Variants in NEMF observed in about 807,000 individuals in gnomAD.
NEMF encodes ribosome quality control complex subunit NEMF.
Under a neutral mutation model 162.2 loss-of-function variants are expected in NEMF, and 89 were observed. The ratio of observed to expected loss-of-function variants is 0.55; its 90% CI spans 0.46 to 0.65. The LOEUF (loss-of-function observed/expected upper bound fraction) is 0.65, where lower values mean the gene tolerates loss of function less well. Ranked by LOEUF, NEMF falls within the 30% of genes least tolerant of loss-of-function variation. NEMF has a pLI of 0.00. For synonymous variants in NEMF, 421 were observed against 404.5 expected (o/e 1.04, Z -0.49); for missense variants, 1,133 against 1,261.9 (o/e 0.90, Z 1.55).
intron 26 of NEMF, among the ~76,000 whole-genome samples, chr14:49,793,468 T>C (rs1890547273): frequency 6.6e-6 from 1 of 152,164 alleles, no homozygotes; most frequent in Non-Finnish European, 1.5e-5. Context: ...TGCTCAGTTA[T>C]AGTTTTATAA....
chr14:49,813,206 T>G (rs565587070), intron 18 of NEMF, among the ~76,000 whole-genome samples: 1 of 152,314 alleles, frequency 6.6e-6, no homozygotes, highest in South Asian at 2.1e-4. Flanking sequence ...GAGTGCAGCA[T>G]GATGACTCAA....
Position 49,844,316 on chromosome 14 carries a change from C to T in NEMF, c.357+1824G>A, listed in dbSNP as rs1012444070. On this transcript the variant is annotated intron_variant, in intron 4 of 32. Transcript: ENST00000298310. ...TGCACAGTTCACAATAGGGTTCACG[C>T]TCCTATAAGAATCTAATGCCACCAC... Among the ~76,000 whole-genome samples the T allele has an allele frequency of 9.9e-5, 15 of 152,268 alleles. No homozygotes were observed. The East Asian group carries it at 1.3e-3, about 14-fold the overall frequency.
Position 49,795,914 on chromosome 14 carries a change from G to A in NEMF, c.2496C>T (p.Asp832=), listed in dbSNP as rs1223389473. 3 of 1,605,366 alleles carry A rather than the reference G, an allele frequency of 1.9e-6. No individual in the cohort carries two copies. Among genetic ancestry groups the A allele is most frequent in the Non-Finnish European group, 2.5e-6 (3 of 1,177,546 alleles). The part of the protein sequence containing the change: ...REMKKKKLPS[D]SGDLEALEGK... Reference sequence around the variant, plus strand: ...CCTCTAACGCTTCTAAATCTCCTGAGTCACTTGGAAGTTTTTTCTTTTTCA... The same window carrying A: ...CCTCTAACGCTTCTAAATCTCCTGAATCACTTGGAAGTTTTTTCTTTTTCA... Residue 832 remains aspartate (D), a synonymous_variant, in exon 26 of 33, where the codon GAC becomes GAT. Transcript: ENST00000298310.
intron 11 of NEMF, 26 bp from the exon 12 acceptor site, chr14:49,829,452 A>T: frequency 6.3e-7 from 1 of 1,585,744 alleles, no homozygotes; most frequent in East Asian, 2.2e-5. Context: ...CAGATTTTTT[A>T]AAAATTAGAT....
chr14:49,785,258 A>G lies in NEMF; in HGVS notation c.2991T>C (p.Ile997=). ...PHPEDVLLFA[I]PICAPYTTMT... ...TGGTGGTGTAAGGGGCACATATTGG[A>G]ATGGCAAACAGTAGTACATCTTCAG... Residue 997 remains isoleucine, a synonymous_variant, in exon 30 of 33, where the codon ATT becomes ATC. Transcript: ENST00000298310. 1 of 1,614,032 alleles carries G rather than the reference A, an allele frequency of 6.2e-7. No homozygotes were observed. The highest frequency in any genetic ancestry group is 8.5e-7 in the Non-Finnish European group (1 of 1,179,928).
intron 25 of NEMF, among the ~76,000 whole-genome samples, chr14:49,797,050 G>A (rs1890723410): frequency 6.6e-6 from 1 of 152,088 alleles, no homozygotes; most frequent in Non-Finnish European, 1.5e-5. Flanking sequence ...ACATATTTAT[G>A]ACTACTTCCT....
intron 15 of NEMF, 24 bp from the exon 16 acceptor site, chr14:49,825,979 A>G (rs1414424589): frequency 6.7e-7 from 1 of 1,501,840 alleles, no homozygotes; most frequent in Non-Finnish European, 9.2e-7. Context: ...AGAGTTTTAA[A>G]AACAATTTGT....
chr14:49,793,843 T>C (rs1033707621), intron 26 of NEMF, among the ~76,000 whole-genome samples: 36 of 152,112 alleles, frequency 2.4e-4, no homozygotes, highest in African/African-American at 8.5e-4. Flanking sequence ...ACTGACAATG[T>C]AGTATCTATT....
At chr14:49,810,787 T>C (rs971357042) in intron 18 of NEMF, among the ~76,000 whole-genome samples, 3 of 152,158 alleles carry the variant, frequency 2.0e-5, no homozygotes, top group Non-Finnish European at 2.9e-5. Flanking sequence ...GCTCAGGAGC[T>C]CGACACTAGT....
intron 8 of NEMF, among the ~76,000 whole-genome samples, chr14:49,832,651 A>G (rs548982137): frequency 6.6e-6 from 1 of 152,288 alleles, no homozygotes; most frequent in Admixed American, 6.5e-5. Context: ...TCTGTGACTG[A>G]TATTAATTTG....
chr14:49,829,038 TAA>T lies in NEMF; in HGVS notation c.1232+14_1232+15del. ...TAAAGACAAGCATTAACTGCTTGAC[TAA>T]GAGTCAAACTTACCTTAGCAGCATT... On this transcript the variant is annotated intron_variant, in intron 13 of 32. Coordinates refer to ENST00000298310, the MANE Select transcript of NEMF (RefSeq NM_004713.6). 6.2e-7 allele frequency: 1 copy of T among 1,605,692 alleles called. No individual in the cohort carries two copies. Among genetic ancestry groups the T allele is most frequent in the South Asian group, 1.1e-5 (1 of 90,764 alleles).
At chr14:49,838,873 C>G (rs1036372921) in intron 5 of NEMF, among the ~76,000 whole-genome samples, 1 of 151,544 alleles carries the variant, frequency 6.6e-6, no homozygotes, top group Non-Finnish European at 1.5e-5. Flanking sequence ...CGTGAGACAC[C>G]GTGCCCAGCC....
chr14:49,851,499 A>T, intron 3 of NEMF, 64 bp downstream of exon 3: 1 of 1,103,628 alleles, frequency 9.1e-7, no homozygotes, highest in Non-Finnish European at 1.4e-6. Context: ...AGGAAACCCC[A>T]ATTAAAAACT....
chr14:49,785,434 C>T, intron 29 of NEMF, 114 bp from the exon 30 acceptor site: 1 of 712,970 alleles, frequency 1.4e-6, no homozygotes, highest in Non-Finnish European at 2.5e-6. Flanking sequence ...GATATACATA[C>T]CATCTAAGCT....
chr14:49,805,959 C>T, intron 19 of NEMF, 62 bp downstream of exon 19: 1 of 1,103,742 alleles, frequency 9.1e-7, no homozygotes. Context: ...CTTCTATACT[C>T]TCAAAATTTG....
At chr14:49,798,571 TAC>T (rs1354334670) in intron 25 of NEMF, among the ~76,000 whole-genome samples, 1 of 152,196 alleles carries the variant, frequency 6.6e-6, no homozygotes, top group Non-Finnish European at 1.5e-5. Flanking sequence ...CTGGTTTCAT[TAC>T]ACACTGTTTC....
At chr14:49,840,651 G>A in intron 5 of NEMF, 67 bp downstream of exon 5, 2 of 1,362,290 alleles carry the variant, frequency 1.5e-6, no homozygotes, top group South Asian at 1.3e-5. Context: ...TAAGAGACAG[G>A]GTCTCATTAT....
At position 49,783,596 on chromosome 14, in the gene NEMF, C is replaced by T. The variant is rs549953776; in HGVS notation, c.*1040G>A. ...ATGGAAATAATGATGACATCATTTT[C>T]CATTCTGTTAAGAGACAGAGGAAAA... is the stretch of plus-strand genomic sequence containing the variant. On this transcript the variant is annotated 3_prime_UTR_variant, in exon 33 of 33. Coordinates refer to ENST00000298310, the MANE Select transcript of NEMF (RefSeq NM_004713.6). The T allele has an allele frequency of 6.6e-6, 1 of 151,946 alleles. No individual in the cohort carries two copies. Among genetic ancestry groups the T allele is most frequent in the African/African-American group, 2.4e-5 (1 of 41,454 alleles). 9.4% of individuals were successfully genotyped at this position (151,946 alleles called of 1,614,324 possible).
At chr14:49,787,227 C>G (rs566894188) in intron 28 of NEMF, 1 of 162,728 alleles carries the variant, frequency 6.1e-6, no homozygotes, top group Non-Finnish European at 1.3e-5. Context: ...AAAAATCTAT[C>G]TGGAGATAAC....
Sources: allele counts gnomAD v4.1 joint callset (sites outside exome capture counted in the v4.1 genomes callset), GRCh38; gene constraint gnomAD v4.1.1; transcripts MANE v1.5; gene names NCBI Gene and HGNC (gene_info 2026-07-23, HGNC 2026-07-21).